The following RIPOR3 variants were observed in gnomAD, a reference collection of about 807,000 sequenced individuals.
The protein encoded by RIPOR3 is family with sequence similarity 65 member C.
RIPOR3 carries 95 observed loss-of-function variants against 114.3 expected under a neutral mutation model. The observed-to-expected ratio is 0.83, with a 90% confidence interval of 0.70 to 0.99. RIPOR3 has a LOEUF of 0.99. RIPOR3 is among the 50% of genes least tolerant of loss of function. RIPOR3 has a pLI of 0.00. For missense variants in RIPOR3, 1,252 were observed against 1,266.9 expected (o/e 0.99, Z 0.18); for synonymous variants, 575 against 543.8 (o/e 1.06, Z -0.80).
chr20:50,616,171 G>A (rs954420945), intron 3 of RIPOR3, 91 bp from the exon 4 acceptor site: 66 of 1,321,744 alleles, frequency 5.0e-5, no homozygotes, highest in Admixed American at 2.6e-4. Context: ...CACGTGGAGA[G>A]CAGACACGGG....
chr20:50,667,258 G>A (rs548976893), intron 1 of RIPOR3, among the ~76,000 whole-genome samples: 89 of 150,326 alleles, frequency 5.9e-4, no homozygotes, highest in African/African-American at 2.1e-3. Flanking sequence ...TTTCAAAATC[G>A]GGTTTCTGCT....
chr20:50,666,181 C>CCTTTTCTTTTCT (rs1600720832), intron 1 of RIPOR3, among the ~76,000 whole-genome samples: 3 of 14,926 alleles, frequency 2.0e-4, no homozygotes, highest in African/African-American at 2.8e-4. Context: ...GAAAGGACAC[C>CCTTTTCTTTTCT]CATTTCTTTT....
chr20:50,667,079 C>G (rs1157415309), intron 1 of RIPOR3, among the ~76,000 whole-genome samples: 2 of 152,024 alleles, frequency 1.3e-5, no homozygotes, highest in African/African-American at 4.8e-5. Flanking sequence ...GACTCTGAAC[C>G]TAGCTTGGCT....
intron 1 of RIPOR3, among the ~76,000 whole-genome samples, chr20:50,681,275 G>GAAAAAAA (rs34596961): frequency 7.4e-6 from 1 of 135,126 alleles, no homozygotes; most frequent in African/African-American, 2.8e-5. Flanking sequence ...TAAGGCACTA[G>GAAAAAAA]AAAAAAAAAA....
chr20:50,600,455 G>T (rs2083454206), intron 13 of RIPOR3, among the ~76,000 whole-genome samples: 1 of 152,142 alleles, frequency 6.6e-6, no homozygotes, highest in Non-Finnish European at 1.5e-5. Context: ...ACAAAAAAAG[G>T]CTGTTAAAAA....
chr20:50,620,859 C>A, intron 2 of RIPOR3: 1 of 737,020 alleles, frequency 1.4e-6, no homozygotes, highest in Non-Finnish European at 2.4e-6. Flanking sequence ...GGGTGTCTGA[C>A]CAAATACACT....
At chr20:50,649,034 T>C (rs2085510605) in intron 1 of RIPOR3, among the ~76,000 whole-genome samples, 1 of 152,208 alleles carries the variant, frequency 6.6e-6, no homozygotes, top group Non-Finnish European at 1.5e-5. Context: ...TGGCTACCAA[T>C]CCTTGGCATT....
At chr20:50,664,234 A>G (rs570514558) in intron 1 of RIPOR3, among the ~76,000 whole-genome samples, 1 of 152,092 alleles carries the variant, frequency 6.6e-6, no homozygotes, top group South Asian at 2.1e-4. Context: ...GCCCCAATAT[A>G]TTACTTTCAA....
At chr20:50,619,226 C>G (rs2084301070) in intron 3 of RIPOR3, among the ~76,000 whole-genome samples, 1 of 150,964 alleles carries the variant, frequency 6.6e-6, no homozygotes, top group Non-Finnish European at 1.5e-5. Context: ...GAGCTGAGAT[C>G]ACACCATTGC....
rs1027706405 is a variant in RIPOR3, at chr20:50,664,384, C to T, written c.3+26742G>A. ...CCGCCTGTCTGCTCTCCATGCTGTG[C>T]GCCACTCCTGAGAGCTGGGTCAGCA... is the stretch of plus-strand genomic sequence containing the variant. On this transcript the variant is annotated intron_variant, in intron 1 of 21. Transcript: ENST00000327979. Among the ~76,000 whole-genome samples the T allele has an allele frequency of 3.3e-5, 5 of 152,198 alleles. No individual in the cohort carries two copies. The East Asian group carries it at 5.8e-4, about 18-fold the overall frequency.
intron 1 of RIPOR3, among the ~76,000 whole-genome samples, chr20:50,647,747 G>A (rs1457115944): frequency 6.6e-6 from 1 of 151,592 alleles, no homozygotes; most frequent in Non-Finnish European, 1.5e-5. Flanking sequence ...CTCCCAAAGT[G>A]CTGGGATTAC....
At chr20:50,650,771 T>C (rs6020667) in intron 1 of RIPOR3, among the ~76,000 whole-genome samples, 76,072 of 151,972 alleles carry the variant, frequency 0.5, 22,278 homozygotes, top group African/African-American at 0.83. Flanking sequence ...TTCCCCAGTC[T>C]CAGTGAGTGG....
intron 17 of RIPOR3, among the ~76,000 whole-genome samples, chr20:50,593,531 A>G (rs940053811): frequency 1.3e-5 from 2 of 151,988 alleles, no homozygotes; most frequent in Non-Finnish European, 2.9e-5. Flanking sequence ...AGATTGCGCC[A>G]CTGCATTCCA....
chr20:50,685,018 G>A (rs905794222), intron 1 of RIPOR3, among the ~76,000 whole-genome samples: 10 of 152,066 alleles, frequency 6.6e-5, no homozygotes, highest in East Asian at 1.9e-4. Context: ...GGTCTCAAGC[G>A]ATCCTCCTGC....
At chr20:50,615,446 G>A (rs971241629) in intron 4 of RIPOR3, among the ~76,000 whole-genome samples, 1 of 149,582 alleles carries the variant, frequency 6.7e-6, no homozygotes, top group Non-Finnish European at 1.5e-5. Context: ...GATCGTTTGA[G>A]CCCAGGAGGT....
chr20:50,598,180 T>TGG (rs1380958493), intron 13 of RIPOR3, among the ~76,000 whole-genome samples: 1 of 152,196 alleles, frequency 6.6e-6, no homozygotes, highest in Admixed American at 6.5e-5. Flanking sequence ...TTTAAATACA[T>TGG]GGTGTAGGTC....
intron 13 of RIPOR3, among the ~76,000 whole-genome samples, chr20:50,599,471 T>C (rs894698313): frequency 2.8e-4 from 42 of 152,318 alleles, no homozygotes; most frequent in Non-Finnish European, 1.6e-4. Flanking sequence ...AACTCATGCC[T>C]GAAGGAAGCT....
At chr20:50,597,269 A>C (rs1004428506) in intron 14 of RIPOR3, 4 of 266,266 alleles carry the variant, frequency 1.5e-5, no homozygotes, top group African/African-American at 2.2e-5. Flanking sequence ...CCTGGCCTCA[A>C]AGAACTTCTA....
At chr20:50,688,125 T>C (rs974778999) in intron 1 of RIPOR3, among the ~76,000 whole-genome samples, 3 of 152,198 alleles carry the variant, frequency 2.0e-5, no homozygotes, top group Non-Finnish European at 2.9e-5. Context: ...TATTTTCCTT[T>C]CTAAAAAATT....
Sources: allele counts gnomAD v4.1 joint callset (sites outside exome capture counted in the v4.1 genomes callset), GRCh38; gene constraint gnomAD v4.1.1; transcripts MANE v1.5; gene names NCBI Gene and HGNC (gene_info 2026-07-23, HGNC 2026-07-21).